Variants in CHN2 observed in about 807,000 individuals in gnomAD.
The protein encoded by CHN2 is beta-chimaerin.
Under a neutral mutation model 56.3 loss-of-function variants are expected in CHN2, and 35 were observed. That is an observed-to-expected ratio of 0.62 (90% confidence interval 0.47 to 0.82). The LOEUF is 0.82. CHN2 is among the 40% of genes least tolerant of loss of function. CHN2 has a pLI of 0.00. For synonymous variants in CHN2, 210 were observed against 212.8 expected, an observed-to-expected ratio of 0.99 and a Z score of 0.12; for missense variants, 491 against 580.5, an observed-to-expected ratio of 0.85 and a Z score of 1.58.
At position 29,390,380 on chromosome 7, in the gene CHN2, C is replaced by G. The variant is rs539717966; in HGVS notation, c.145-3299C>G. Among the ~76,000 whole-genome samples the G allele has an allele frequency of 1.1e-3, 173 of 152,308 alleles. 2 individuals carry two copies. The highest frequency in any genetic ancestry group is 3.9e-3 in the African/African-American group (162 of 41,566). On this transcript the variant is annotated intron_variant, in intron 3 of 12. Coordinates refer to ENST00000222792, the MANE Select transcript of CHN2 (RefSeq NM_004067.4). ...ATCCGACAGCCGTCAGTCCTACTCACAAAGGCCAGGTTCACCAGGTGATGG... is the reference window on the plus strand; with the variant it reads ...ATCCGACAGCCGTCAGTCCTACTCAGAAAGGCCAGGTTCACCAGGTGATGG...
intron 1 of CHN2, among the ~76,000 whole-genome samples, chr7:29,244,787 A>T (rs39088): frequency 6.6e-6 from 1 of 152,172 alleles, no homozygotes; most frequent in African/African-American, 2.4e-5. Context: ...AAATTCCCTT[A>T]CTTTGGTTTC....
chr7:29,453,778 G>C (rs1353612599), intron 6 of CHN2, among the ~76,000 whole-genome samples: 1 of 152,178 alleles, frequency 6.6e-6, no homozygotes, highest in Non-Finnish European at 1.5e-5. Context: ...CCACTAATGA[G>C]CTATAATAAG....
chr7:29,351,202 A>G (rs965966109), intron 1 of CHN2, among the ~76,000 whole-genome samples: 18 of 151,992 alleles, frequency 1.2e-4, no homozygotes, highest in African/African-American at 4.3e-4. Context: ...AAAGATGAAC[A>G]TTGGGAGGTT....
intron 2 of CHN2, among the ~76,000 whole-genome samples, chr7:29,154,413 G>A (rs1794052566): frequency 1.3e-5 from 2 of 152,128 alleles, no homozygotes; most frequent in South Asian, 4.2e-4. Context: ...GTAGATTTTG[G>A]ATGTTCCTGC....
At chr7:29,199,062 T>C (rs1584705130) in intron 1 of CHN2, among the ~76,000 whole-genome samples, 1 of 152,232 alleles carries the variant, frequency 6.6e-6, no homozygotes, top group African/African-American at 2.4e-5. Context: ...CATTCCTGAA[T>C]GGATTGAGGT....
At chr7:29,411,964 C>A (rs1337535146) in intron 6 of CHN2, among the ~76,000 whole-genome samples, 2 of 152,166 alleles carry the variant, frequency 1.3e-5, no homozygotes, top group Non-Finnish European at 2.9e-5. Flanking sequence ...AGAACTGGAA[C>A]CCACCTGTCA....
intron 9 of CHN2, among the ~76,000 whole-genome samples, chr7:29,501,439 A>T (rs1319695630): frequency 6.6e-6 from 1 of 152,164 alleles, no homozygotes; most frequent in Admixed American, 6.5e-5. Flanking sequence ...GGGTCAGATT[A>T]TCAGCCTCTC....
rs563519401 is a variant in CHN2 at position 29,150,505 on chromosome 7, G to A, written c.274+3545G>A. The stretch of plus-strand genomic sequence containing the variant: ...ACATGCTTCTCACTGACCTATAGCC[G>A]GAGCTTTGCTGAACTCCTTAAATTC... On this transcript the variant is annotated intron_variant, in intron 2 of 6. Transcript: ENST00000439384. 2.0e-5 allele frequency among the ~76,000 whole-genome samples: 3 copies of A among 152,236 alleles called. No individual in the cohort carries two copies. The South Asian group carries it at 6.2e-4, about 32-fold the overall frequency.
intron 1 of CHN2, among the ~76,000 whole-genome samples, chr7:29,283,756 C>A (rs1487182628): frequency 1.3e-5 from 2 of 150,864 alleles, no homozygotes; most frequent in Non-Finnish European, 3.0e-5. Flanking sequence ...GTAGCTGAGA[C>A]TAAAGGCATG....
At chr7:29,433,591 C>A (rs1257427999) in intron 6 of CHN2, among the ~76,000 whole-genome samples, 4 of 152,126 alleles carry the variant, frequency 2.6e-5, no homozygotes. Flanking sequence ...AATCCTGGCA[C>A]TTTGGGAGGC....
chr7:29,200,939 G>A (rs1784112985), intron 1 of CHN2, among the ~76,000 whole-genome samples: 1 of 152,084 alleles, frequency 6.6e-6, no homozygotes, highest in African/African-American at 2.4e-5. Context: ...CATTCTGGGA[G>A]GGCCAGCCAC....
intron 1 of CHN2, among the ~76,000 whole-genome samples, chr7:29,329,714 A>G (rs1260981635): frequency 1.3e-5 from 2 of 152,232 alleles, no homozygotes; most frequent in Non-Finnish European, 2.9e-5. Context: ...GTGCATTTTT[A>G]TCATTGTTTG....
intron 6 of CHN2, among the ~76,000 whole-genome samples, chr7:29,454,749 G>A (rs1486979801): frequency 1.3e-5 from 2 of 152,098 alleles, no homozygotes; most frequent in African/African-American, 4.8e-5. Flanking sequence ...AACTTCAGAT[G>A]GAACAAGGAA....
At chr7:29,509,086 C>T (rs1197606385) in intron 11 of CHN2, among the ~76,000 whole-genome samples, 2 of 152,138 alleles carry the variant, frequency 1.3e-5, no homozygotes, top group Non-Finnish European at 2.9e-5. Flanking sequence ...TCTGGCCACC[C>T]AGAGGACATT....
chr7:29,371,486 A>G (rs78003111), intron 3 of CHN2, among the ~76,000 whole-genome samples: 4,550 of 152,272 alleles, frequency 0.03, 239 homozygotes, highest in African/African-American at 0.1. Flanking sequence ...ATCTTCCCAT[A>G]TGCAGAATTC....
At chr7:29,264,115 G>A (rs1261766315) in intron 1 of CHN2, among the ~76,000 whole-genome samples, 2 of 147,210 alleles carry the variant, frequency 1.4e-5, no homozygotes, top group Non-Finnish European at 3.0e-5. Context: ...CGTCTGGGAA[G>A]TGAGGAGCCC....
At position 29,311,339 on chromosome 7, in the gene CHN2, G is replaced by T. The variant is rs540626880; in HGVS notation, c.50-43286G>T. The stretch of plus-strand genomic sequence containing the variant: ...GTCTTTCCTGGCAGTCCCCACTTTT[G>T]TCTCCAGAACTGATCCTTCTTTATG... On this transcript the variant is annotated intron_variant, in intron 1 of 12. Coordinates refer to ENST00000222792, the MANE Select transcript of CHN2 (RefSeq NM_004067.4). 2.6e-5 allele frequency among the ~76,000 whole-genome samples: 4 copies of T among 152,258 alleles called. No individual in the cohort carries two copies. In the South Asian group the frequency reaches 6.2e-4, roughly 24 times the overall value.
Position 29,471,290 on chromosome 7 carries a change from G to A in CHN2, c.577-8989G>A, listed in dbSNP as rs531579120. 6.8e-4 allele frequency among the ~76,000 whole-genome samples: 103 copies of A among 152,248 alleles called. 4 individuals are homozygous for A. The South Asian group carries it at 0.02, about 30-fold the overall frequency. ...TAATAACAATGACGTGTTGAAATGCGCGAGATCCTTAATGCAACACAAAGT... is the reference window on the plus strand; with the variant it reads ...TAATAACAATGACGTGTTGAAATGCACGAGATCCTTAATGCAACACAAAGT... On this transcript the variant is annotated intron_variant, in intron 6 of 12. Coordinates refer to ENST00000222792, the MANE Select transcript of CHN2 (RefSeq NM_004067.4).
intron 1 of CHN2, among the ~76,000 whole-genome samples, chr7:29,258,062 G>T (rs1415602133): frequency 6.6e-6 from 1 of 152,124 alleles, no homozygotes; most frequent in Non-Finnish European, 1.5e-5. Flanking sequence ...GGGATTACAG[G>T]TGTGAGCCAT....
Sources: allele counts gnomAD v4.1 joint callset (sites outside exome capture counted in the v4.1 genomes callset), GRCh38; gene constraint gnomAD v4.1.1; transcripts MANE v1.5; gene names NCBI Gene and HGNC (gene_info 2026-07-23, HGNC 2026-07-21).